The following LRRC4C variants were observed in gnomAD, a reference collection of about 807,000 sequenced individuals.
The protein encoded by LRRC4C is leucine-rich repeat-containing protein 4C.
LRRC4C carries 5 observed loss-of-function variants against 33.6 expected under a neutral mutation model. The ratio of observed to expected loss-of-function variants is 0.15; its 90% CI spans 0.08 to 0.31. LRRC4C has a LOEUF of 0.31. LRRC4C is among the 10% of genes least tolerant of loss of function. The pLI is 1.00. For synonymous variants in LRRC4C, 329 were observed against 302.0 expected (o/e 1.09, Z -0.93); for missense variants, 560 against 796.7 (o/e 0.70, Z 3.58).
intron 2 of LRRC4C, among the ~76,000 whole-genome samples, chr11:40,816,888 G>C (rs1951727218): frequency 6.6e-6 from 1 of 152,034 alleles, no homozygotes; most frequent in African/African-American, 2.4e-5. Context: ...GTCTTTAAAA[G>C]GCTTTCCACG....
chr11:40,644,394 A>G (rs1290716805), intron 3 of LRRC4C, among the ~76,000 whole-genome samples: 1 of 152,212 alleles, frequency 6.6e-6, no homozygotes, highest in Non-Finnish European at 1.5e-5. Flanking sequence ...TGCAACTACC[A>G]TACAACCCAG....
chr11:40,661,074 G>T (rs189784031), intron 2 of LRRC4C, among the ~76,000 whole-genome samples: 1 of 151,970 alleles, frequency 6.6e-6, no homozygotes, highest in African/African-American at 2.4e-5. Context: ...ATACAATAAC[G>T]AATTGAATTA....
At position 41,397,657 on chromosome 11, in the gene LRRC4C, C is replaced by T. The variant is rs1391382347; in HGVS notation, c.-496+61774G>A. 1.5e-5 allele frequency among the ~76,000 whole-genome samples: 2 copies of T among 134,332 alleles called. 1 individual carries two copies. The highest frequency in any genetic ancestry group is 4.6e-4 in the East Asian group (2 of 4,360). 88.1% of individuals were successfully genotyped at this position (134,332 alleles called of 152,430 possible). ...TACCCCCAGGTTGTTCAAGGGTCAA[C>T]AGTAAATGTGAACAAAAACTAAAAA... On this transcript the variant is annotated intron_variant, in intron 1 of 6. Coordinates refer to ENST00000528697, the MANE Select transcript of LRRC4C (RefSeq NM_001258419.2).
At chr11:41,163,284 G>GGTTTTTTT (rs1555095278) in intron 1 of LRRC4C, among the ~76,000 whole-genome samples, 1 of 73,382 alleles carries the variant, frequency 1.4e-5, no homozygotes, top group Non-Finnish European at 2.4e-5. Flanking sequence ...TACTGTAACT[G>GGTTTTTTT]TTTTTTTTTT....
chr11:40,426,913 T>C (rs555020170), intron 3 of LRRC4C, among the ~76,000 whole-genome samples: 9 of 152,344 alleles, frequency 5.9e-5, no homozygotes, highest in Admixed American at 3.3e-4. Context: ...TTCTCTTTTT[T>C]CTGGTCAAGT....
intron 1 of LRRC4C, among the ~76,000 whole-genome samples, chr11:40,947,879 T>A (rs1479033624): frequency 6.6e-6 from 1 of 152,154 alleles, no homozygotes. Context: ...GGTAGGGTCT[T>A]CATTTGTTTC....
intron 1 of LRRC4C, among the ~76,000 whole-genome samples, chr11:41,185,135 G>T (rs1225996694): frequency 6.6e-6 from 1 of 151,978 alleles, no homozygotes; most frequent in African/African-American, 2.4e-5. Context: ...TGGGGACACA[G>T]CCAAACCATA....
At chr11:41,166,952 T>C (rs2136069999) in intron 1 of LRRC4C, among the ~76,000 whole-genome samples, 1 of 152,280 alleles carries the variant, frequency 6.6e-6, no homozygotes, top group Middle Eastern at 3.4e-3. Context: ...TTAGAAAGGC[T>C]AAATGCCATG....
chr11:40,571,698 T>C (rs1232435666), intron 3 of LRRC4C, among the ~76,000 whole-genome samples: 1 of 152,174 alleles, frequency 6.6e-6, no homozygotes, highest in Non-Finnish European at 1.5e-5. Flanking sequence ...ATTGTGTTTC[T>C]ATCTGTGCTT....
chr11:41,137,997 A>G (rs1212662829), intron 1 of LRRC4C, among the ~76,000 whole-genome samples: 1 of 152,184 alleles, frequency 6.6e-6, no homozygotes, highest in African/African-American at 2.4e-5. Context: ...GATGGTTGTA[A>G]AAAATTAAGT....
chr11:40,585,281 A>G (rs549510960), intron 3 of LRRC4C, among the ~76,000 whole-genome samples: 1 of 152,138 alleles, frequency 6.6e-6, no homozygotes, highest in Non-Finnish European at 1.5e-5. Context: ...TGCCCACCCT[A>G]CATCACTCTG....
intron 2 of LRRC4C, among the ~76,000 whole-genome samples, chr11:40,871,894 C>T (rs1954668313): frequency 6.6e-6 from 1 of 152,128 alleles, no homozygotes; most frequent in South Asian, 2.1e-4. Flanking sequence ...AATCTTTGAA[C>T]TTGTGTCCTA....
At chr11:40,461,053 C>A (rs1952372796) in intron 3 of LRRC4C, among the ~76,000 whole-genome samples, 1 of 152,038 alleles carries the variant, frequency 6.6e-6, no homozygotes, top group South Asian at 2.1e-4. Context: ...ATGCCCAAGC[C>A]TAAAGTTTAA....
chr11:40,668,521 C>T (rs1051991369), intron 2 of LRRC4C, among the ~76,000 whole-genome samples: 3 of 152,150 alleles, frequency 2.0e-5, no homozygotes, highest in African/African-American at 7.2e-5. Context: ...CTCTCTTTTC[C>T]TTGTCTCTAA....
intron 3 of LRRC4C, among the ~76,000 whole-genome samples, chr11:40,504,480 CA>C (rs1954935942): frequency 6.6e-6 from 1 of 151,814 alleles, no homozygotes; most frequent in South Asian, 2.1e-4. Flanking sequence ...ATCTGTCCTC[CA>C]AGTGGACAGA....
chr11:40,934,385 A>G (rs1957773508), intron 1 of LRRC4C, among the ~76,000 whole-genome samples: 2 of 152,100 alleles, frequency 1.3e-5, no homozygotes, highest in African/African-American at 4.8e-5. Context: ...GGCATGGAAA[A>G]TATTTTATCT....
intron 3 of LRRC4C, among the ~76,000 whole-genome samples, chr11:40,641,468 C>A (rs1265011470): frequency 6.6e-6 from 1 of 152,034 alleles, no homozygotes; most frequent in Non-Finnish European, 1.5e-5. Context: ...AAGAGCAAGC[C>A]AACGGAATAA....
At chr11:40,399,907 T>C (rs1013479029) in intron 3 of LRRC4C, among the ~76,000 whole-genome samples, 3 of 152,024 alleles carry the variant, frequency 2.0e-5, no homozygotes, top group Non-Finnish European at 4.4e-5. Context: ...TCACTTCAAA[T>C]ACACAGTTAA....
intron 3 of LRRC4C, among the ~76,000 whole-genome samples, chr11:40,394,954 C>A (rs1011980639): frequency 5.9e-5 from 9 of 152,022 alleles, no homozygotes; most frequent in Non-Finnish European, 1.2e-4. Context: ...TACCAATTAT[C>A]CAACTATTGG....
Sources: allele counts gnomAD v4.1 joint callset (sites outside exome capture counted in the v4.1 genomes callset), GRCh38; gene constraint gnomAD v4.1.1; transcripts MANE v1.5; gene names NCBI Gene and HGNC (gene_info 2026-07-23, HGNC 2026-07-21).